The following LUZP1 variants were observed in gnomAD, a reference collection of about 807,000 sequenced individuals.
LUZP1 encodes the protein leucine zipper protein 1, also known as filamin mechanobinding actin cross-linking protein.
Under a neutral mutation model 71.3 loss-of-function variants are expected in LUZP1, and 25 were observed. That is an observed-to-expected ratio of 0.35 (90% CI 0.26 to 0.49). LUZP1 has a LOEUF of 0.49. Ranked by LOEUF, LUZP1 falls within the 20% of genes least tolerant of loss-of-function variation. The pLI is 0.99. For missense variants in LUZP1, 1,142 were observed against 1,300.8 expected (o/e 0.88, Z 1.88); for synonymous variants, 481 against 506.4 (o/e 0.95, Z 0.67).
Position 23,124,302 on chromosome 1 carries a change from C to T in LUZP1, c.-225-15175G>A, listed in dbSNP as rs541967393. Among the ~76,000 whole-genome samples, 4 of 152,268 alleles carry T rather than the reference C, an allele frequency of 2.6e-5. No homozygotes were observed. In the South Asian group the frequency reaches 6.2e-4, roughly 24 times the overall value. ...GAAAATAAAGCCCAAAGAGAGGAAA[C>T]GGAGTCTTGAAGCAAAGCTGGACCT... On this transcript the variant is annotated intron_variant, in intron 2 of 4. Transcript: ENST00000302291.
chr1:23,151,263 T>G (rs1644380911), intron 2 of LUZP1, among the ~76,000 whole-genome samples: 1 of 152,092 alleles, frequency 6.6e-6, no homozygotes, highest in Non-Finnish European at 1.5e-5. Flanking sequence ...AGGCTGGTCT[T>G]GAACTCCTGA....
intron 2 of LUZP1, among the ~76,000 whole-genome samples, chr1:23,111,229 T>A (rs982503909): frequency 5.0e-5 from 7 of 139,844 alleles, no homozygotes; most frequent in African/African-American, 1.9e-4. Context: ...AAGTTACTGA[T>A]AATAAAAACA....
chr1:23,088,457 G>A (rs1643800615), exon 5 of LUZP1: 1 of 157,178 alleles, frequency 6.4e-6, no homozygotes, highest in Non-Finnish European at 1.4e-5. Flanking sequence ...AGCCCATTGG[G>A]CAAATGAGGA....
rs150118576 is a variant in LUZP1, at chr1:23,091,336, G to C, written c.2926C>G (p.Arg976Gly). Residue 976 changes from arginine to glycine, a missense_variant, in exon 4 of 5, where the codon CGA becomes GGA. Transcript: ENST00000302291. Reference sequence around the variant, plus strand: ...TCCCCTGAACTTGGTCCTACCCTTCGAGTGCCCTGCTCAAAAAGGCAGGAC... The same window carrying C: ...TCCCCTGAACTTGGTCCTACCCTTCCAGTGCCCTGCTCAAAAAGGCAGGAC... The C allele has an allele frequency of 2.4e-5, 38 of 1,614,004 alleles. No homozygotes were observed. Among genetic ancestry groups the C allele is most frequent in the Middle Eastern group, 1.6e-4 (1 of 6,084 alleles).
At chr1:23,111,709 T>C (rs1644034481) in intron 2 of LUZP1, among the ~76,000 whole-genome samples, 2 of 152,192 alleles carry the variant, frequency 1.3e-5, no homozygotes, top group Middle Eastern at 3.4e-3. Context: ...CAAATAGTTT[T>C]AGGACAGTTC....
At chr1:23,143,087 C>A (rs1644317886) in intron 2 of LUZP1, among the ~76,000 whole-genome samples, 1 of 151,998 alleles carries the variant, frequency 6.6e-6, no homozygotes, top group Non-Finnish European at 1.5e-5. Context: ...CCACTCAGTG[C>A]AACCTCCATC....
At chr1:23,092,436 C>T in exon 4 of LUZP1, 1 of 1,614,214 alleles carries the variant, frequency 6.2e-7, no homozygotes, top group South Asian at 1.1e-5. Flanking sequence ...TTGGCTTCTA[C>T]AGCTATAAGG....
intron 2 of LUZP1, among the ~76,000 whole-genome samples, chr1:23,152,118 C>A (rs1017546888): frequency 1.3e-5 from 2 of 151,804 alleles, no homozygotes; most frequent in African/African-American, 4.8e-5. Context: ...CAAGCTGAAC[C>A]ACAATTTATT....
rs188975830 is a variant in LUZP1 at position 23,124,736 on chromosome 1, T to A, written c.-225-15609A>T. 2.8e-3 allele frequency among the ~76,000 whole-genome samples: 429 copies of A among 152,258 alleles called. 1 individual carries two copies. Among genetic ancestry groups the A allele is most frequent in the Middle Eastern group, 0.02 (6 of 294 alleles). On this transcript the variant is annotated intron_variant, in intron 2 of 4. Coordinates refer to ENST00000302291, the Ensembl canonical transcript of LUZP1. ...TTTGGGGCAAGGAGGTACATTTTTT[T>A]AAAAGATTACTCAACTAGATGGCTC... is the stretch of plus-strand genomic sequence containing the variant.
intron 2 of LUZP1, among the ~76,000 whole-genome samples, chr1:23,137,498 G>A (rs184915651): frequency 1.9e-4 from 29 of 152,184 alleles, no homozygotes; most frequent in Admixed American, 7.9e-4. Context: ...AAAATTAGCC[G>A]GGTGTGGTGG....
chr1:23,165,435 G>A (rs1269610604), intron 2 of LUZP1, among the ~76,000 whole-genome samples: 3 of 151,564 alleles, frequency 2.0e-5, no homozygotes, highest in African/African-American at 7.3e-5. Flanking sequence ...ACTTTGGGAG[G>A]CTGACATGGG....
intron 2 of LUZP1, among the ~76,000 whole-genome samples, chr1:23,160,735 A>C (rs1351935611): frequency 6.6e-6 from 1 of 152,238 alleles, no homozygotes; most frequent in Non-Finnish European, 1.5e-5. Context: ...TAGCTAAAAC[A>C]GCTTCTGATC....
At chr1:23,173,110 C>T (rs1051347459) in intron 1 of LUZP1, among the ~76,000 whole-genome samples, 3 of 150,800 alleles carry the variant, frequency 2.0e-5, no homozygotes, top group Admixed American at 6.6e-5. Flanking sequence ...TGTGAGCCAC[C>T]GCCAGGCATG....
intron 2 of LUZP1, among the ~76,000 whole-genome samples, chr1:23,149,080 A>T (rs1318484506): frequency 1.1e-4 from 9 of 82,278 alleles, no homozygotes; most frequent in South Asian, 4.6e-4. Flanking sequence ...CACCTTGCCT[A>T]AAAAAAAAAA....
chr1:23,152,223 C>T (rs939641034), intron 2 of LUZP1, among the ~76,000 whole-genome samples: 2 of 151,966 alleles, frequency 1.3e-5, no homozygotes, highest in African/African-American at 4.8e-5. Context: ...TAACAGTTAA[C>T]CTAACTAAGG....
At chr1:23,157,075 T>G (rs1644425592) in intron 2 of LUZP1, among the ~76,000 whole-genome samples, 1 of 152,212 alleles carries the variant, frequency 6.6e-6, no homozygotes, top group South Asian at 2.1e-4. Context: ...GGCTCACGCC[T>G]GTAATCCCAA....
chr1:23,143,433 A>G (rs947750246), intron 2 of LUZP1, among the ~76,000 whole-genome samples: 7 of 152,252 alleles, frequency 4.6e-5, no homozygotes, highest in Admixed American at 3.9e-4. Context: ...GGAAATGCAC[A>G]TACTTAGTTT....
intron 3 of LUZP1, among the ~76,000 whole-genome samples, chr1:23,099,616 AT>A (rs1643915972): frequency 6.6e-6 from 1 of 152,208 alleles, no homozygotes; most frequent in Admixed American, 6.5e-5. Context: ...AATTATCATA[AT>A]TCTGAATTCA....
At chr1:23,118,001 A>T (rs1644099433) in intron 2 of LUZP1, among the ~76,000 whole-genome samples, 1 of 151,414 alleles carries the variant, frequency 6.6e-6, no homozygotes, top group African/African-American at 2.4e-5. Flanking sequence ...GAGGCAGGAG[A>T]CTTGCTTGAA....
Sources: gnomAD v4.1 joint callset for allele counts (sites outside exome capture counted in the v4.1 genomes callset) on GRCh38, gnomAD v4.1.1 for gene constraint, MANE v1.5 for transcripts, NCBI Gene and HGNC (gene_info 2026-07-23, HGNC 2026-07-21) for gene names.